The following CDK19 variants were observed in gnomAD, a reference collection of about 807,000 sequenced individuals.
CDK19 encodes cyclin dependent kinase 19, also known as cyclin-dependent kinase 19.
A neutral mutation model predicts 68.3 loss-of-function variants in CDK19; 20 were observed. The ratio of observed to expected loss-of-function variants is 0.29; its 90% CI spans 0.21 to 0.43. The LOEUF is 0.43. Among genes scored for constraint, CDK19 ranks in the 20% least tolerant of loss-of-function variants. The pLI, the probability that CDK19 is intolerant of heterozygous loss-of-function variation, is 1.00. For missense variants in CDK19, 339 were observed against 623.5 expected (o/e 0.54, Z 4.86); for synonymous variants, 221 against 222.8 (o/e 0.99, Z 0.07).
rs936782635 is a variant in CDK19, at chr6:110,611,435, G to A, written c.*3100C>T. 6.6e-6 allele frequency: 1 copy of A among 152,218 alleles called. No homozygotes were observed. The highest frequency in any genetic ancestry group is 1.5e-5 in the Non-Finnish European group (1 of 68,056). The allele number at this position is 152,218 out of a possible 1,614,324, so 9.4% of individuals were successfully genotyped here. A position where few individuals can be genotyped will look rare whatever the true frequency, so the allele number is the denominator to read the frequency against. On this transcript the variant is annotated 3_prime_UTR_variant, in exon 13 of 13. Transcript: ENST00000368911. ...CAAAGGTAAAGTTTGCCCTCAAAAA[G>A]CTTCAAAGGTCTCCTTAGAGGTCCC...
intron 4 of CDK19, among the ~76,000 whole-genome samples, chr6:110,658,191 T>C (rs1386087016): frequency 6.6e-6 from 1 of 152,182 alleles, no homozygotes; most frequent in African/African-American, 2.4e-5. Flanking sequence ...GCCTCCAGAC[T>C]GCAGACATGA....
chr6:110,743,186 A>AT (rs1777805024), intron 2 of CDK19, among the ~76,000 whole-genome samples: 1 of 152,230 alleles, frequency 6.6e-6, no homozygotes, highest in Admixed American at 6.5e-5. Flanking sequence ...GGCTTAATGT[A>AT]TAAGACATAT....
At chr6:110,684,458 G>A (rs1772284184) in intron 2 of CDK19, among the ~76,000 whole-genome samples, 2 of 148,186 alleles carry the variant, frequency 1.3e-5, no homozygotes, top group Admixed American at 6.8e-5. Context: ...GGGAATAAGG[G>A]GTGGGGGACG....
intron 12 of CDK19, among the ~76,000 whole-genome samples, chr6:110,618,851 C>A (rs1341087384): frequency 6.6e-6 from 1 of 152,166 alleles, no homozygotes; most frequent in African/African-American, 2.4e-5. Flanking sequence ...TCTGTTGCAA[C>A]AACATGTTTT....
At chr6:110,731,399 G>A (rs1462150479) in intron 2 of CDK19, among the ~76,000 whole-genome samples, 2 of 152,166 alleles carry the variant, frequency 1.3e-5, no homozygotes, top group Non-Finnish European at 2.9e-5. Flanking sequence ...GAGGCAGAAA[G>A]TAGATTTAGA....
chr6:110,666,338 T>C (rs901211526), intron 4 of CDK19, among the ~76,000 whole-genome samples: 3 of 141,470 alleles, frequency 2.1e-5, no homozygotes, highest in South Asian at 2.3e-4. Context: ...AGGCAGAGAA[T>C]TGCTTGAACC....
In CDK19 at chr6:110,614,116, A is replaced by T. The variant is rs1217654715; in HGVS notation, c.*419T>A. 1 of 156,090 alleles carries T rather than the reference A, an allele frequency of 6.4e-6. No individual in the cohort carries two copies. The highest frequency in any genetic ancestry group is 2.4e-5 in the African/African-American group (1 of 41,540). 9.7% of individuals were successfully genotyped at this position (156,090 alleles called of 1,614,324 possible). ...TTTACCTGTGTTGCTAAATCAGTTC[A>T]TGAAGTATAAAACTATACACCACTG... On this transcript the variant is annotated 3_prime_UTR_variant, in exon 13 of 13. Coordinates refer to ENST00000368911, the MANE Select transcript of CDK19 (RefSeq NM_015076.5).
At chr6:110,710,437 T>G (rs1013272833) in intron 2 of CDK19, among the ~76,000 whole-genome samples, 2 of 152,234 alleles carry the variant, frequency 1.3e-5, no homozygotes, top group African/African-American at 4.8e-5. Flanking sequence ...GGATCATCAG[T>G]CAAAAGACAT....
intron 2 of CDK19, among the ~76,000 whole-genome samples, chr6:110,729,576 A>T (rs1027723489): frequency 6.7e-6 from 1 of 149,538 alleles, no homozygotes; most frequent in South Asian, 2.1e-4. Context: ...CTACAGGCAC[A>T]TGCCACCAGG....
intron 4 of CDK19, among the ~76,000 whole-genome samples, chr6:110,660,027 G>A (rs1781521326): frequency 6.6e-6 from 1 of 152,102 alleles, no homozygotes; most frequent in South Asian, 2.1e-4. Flanking sequence ...TTAGAGACAG[G>A]GTCTATGTTA....
chr6:110,623,876 T>C (rs1008792740), intron 8 of CDK19, among the ~76,000 whole-genome samples: 1 of 105,872 alleles, frequency 9.4e-6, no homozygotes, highest in African/African-American at 4.1e-5. Context: ...ATAGTATATA[T>C]ACGTATATAT....
chr6:110,780,085 G>A (rs569707601), intron 1 of CDK19, among the ~76,000 whole-genome samples: 2 of 152,198 alleles, frequency 1.3e-5, no homozygotes, highest in South Asian at 4.1e-4. Flanking sequence ...GGGTGTGGTG[G>A]CACATGTCTG....
intron 1 of CDK19, among the ~76,000 whole-genome samples, chr6:110,764,803 T>TACGCC (rs1360731837): frequency 6.6e-6 from 1 of 151,786 alleles, no homozygotes; most frequent in Non-Finnish European, 1.5e-5. Flanking sequence ...ATACAAAAAT[T>TACGCC]TGCTGGGCGT....
intron 2 of CDK19, among the ~76,000 whole-genome samples, chr6:110,680,991 T>C (rs1356719140): frequency 1.3e-5 from 2 of 151,558 alleles, no homozygotes; most frequent in Non-Finnish European, 2.9e-5. Context: ...AGTGAGACTC[T>C]GTCTCAAAAT....
intron 2 of CDK19, among the ~76,000 whole-genome samples, chr6:110,712,962 C>A (rs1775055037): frequency 1.3e-5 from 2 of 152,224 alleles, no homozygotes; most frequent in South Asian, 4.1e-4. Context: ...GTAATCCCAG[C>A]ACTTTGGGAG....
At chr6:110,683,013 T>C (rs1772147352) in intron 2 of CDK19, among the ~76,000 whole-genome samples, 2 of 151,462 alleles carry the variant, frequency 1.3e-5, no homozygotes, top group Non-Finnish European at 2.9e-5. Context: ...CAATCTCTAC[T>C]AAAAATACAA....
chr6:110,751,370 T>C (rs1009574596), intron 1 of CDK19, among the ~76,000 whole-genome samples: 4 of 151,970 alleles, frequency 2.6e-5, no homozygotes, highest in Admixed American at 2.6e-4. Context: ...AAACCCACTG[T>C]GAACTGCACG....
chr6:110,706,404 G>GTTTTTTGT (rs1774482191), intron 2 of CDK19: 1 of 71,062 alleles, frequency 1.4e-5, no homozygotes, highest in African/African-American at 4.8e-5. Context: ...TAACACTGTT[G>GTTTTTTGT]TTTTTTTTTT....
Position 110,646,262 on chromosome 6 carries a change from T to C in CDK19, c.457-7556A>G, listed in dbSNP as rs1222117590. ...CTCTGTGGCCGTTCCACACACATAG[T>C]TGCGTGTGCTGCCCCGCCAACATGT... On this transcript the variant is annotated intron_variant, in intron 4 of 12. Coordinates refer to ENST00000368911, the MANE Select transcript of CDK19 (RefSeq NM_015076.5). 2.9e-5 allele frequency: 44 copies of C among 1,502,594 alleles called. 1 individual carries two copies. The South Asian group carries it at 4.1e-4, about 14-fold the overall frequency. The allele number at this position is 1,502,594 out of a possible 1,614,324, so 93.1% of individuals were successfully genotyped here.
Sources: gnomAD v4.1 joint callset for allele counts (sites outside exome capture counted in the v4.1 genomes callset) on GRCh38, gnomAD v4.1.1 for gene constraint, MANE v1.5 for transcripts, NCBI Gene and HGNC (gene_info 2026-07-23, HGNC 2026-07-21) for gene names.